The following ATP9B variants were observed in gnomAD, a reference collection of about 807,000 sequenced individuals.
The protein encoded by ATP9B is probable phospholipid-transporting ATPase IIB.
Under a neutral mutation model 146.1 loss-of-function variants are expected in ATP9B, and 110 were observed. The observed-to-expected ratio is 0.75, with a 90% confidence interval of 0.65 to 0.88. The LOEUF is 0.88. ATP9B is among the 40% of genes least tolerant of loss of function. The pLI is 0.00. For synonymous variants in ATP9B, 604 were observed against 569.7 expected (o/e 1.06, Z -0.86); for missense variants, 1,499 against 1,496.4 (o/e 1.00, Z -0.03).
intron 13 of ATP9B, among the ~76,000 whole-genome samples, chr18:79,279,749 G>A (rs534132661): frequency 2.6e-4 from 40 of 152,278 alleles, no homozygotes; most frequent in African/African-American, 8.4e-4. Context: ...ATACATAGGC[G>A]TACTGTCTTC....
intron 11 of ATP9B, among the ~76,000 whole-genome samples, chr18:79,214,242 C>G (rs2095608196): frequency 6.6e-6 from 1 of 152,124 alleles, no homozygotes; most frequent in South Asian, 2.1e-4. Flanking sequence ...AGTATCATTG[C>G]TTGGCTAATC....
intron 2 of ATP9B, among the ~76,000 whole-genome samples, chr18:79,099,979 G>T (rs2075133637): frequency 6.6e-6 from 1 of 152,060 alleles, no homozygotes; most frequent in African/African-American, 2.4e-5. Flanking sequence ...ACAAAAATTA[G>T]CTGGGCATGG....
intron 1 of ATP9B, chr18:79,087,420 A>G (rs1002903978): frequency 2.6e-5 from 4 of 152,282 alleles, no homozygotes; most frequent in African/African-American, 9.6e-5. Context: ...CTTGCTGCTT[A>G]GTAATGACTT....
chr18:79,084,708 A>G (rs1171158320), intron 1 of ATP9B, among the ~76,000 whole-genome samples: 1 of 152,206 alleles, frequency 6.6e-6, no homozygotes, highest in Non-Finnish European at 1.5e-5. Flanking sequence ...TTCCTTGACC[A>G]TTTGAAAATG....
chr18:79,344,015 A>G lies in ATP9B; in HGVS notation c.2383-250A>G, dbSNP rs183966362. On this transcript the variant is annotated intron_variant, in intron 20 of 29. Transcript: ENST00000426216. ...GAGTGGTGATTCCACTGCATTCCTC[A>G]CTATACGTTTCCTGCTTGCAGTTGC... 14 of 553,362 alleles carry G rather than the reference A, an allele frequency of 2.5e-5. 1 individual carries two copies. Among genetic ancestry groups the G allele is most frequent in the African/African-American group, 2.1e-4 (11 of 52,916 alleles). The allele number at this position is 553,362 out of a possible 1,614,324, so 34.3% of individuals were successfully genotyped here. A position where few individuals can be genotyped will look rare whatever the true frequency, so the allele number is the denominator to read the frequency against.
chr18:79,137,391 T>C (rs34051579), intron 5 of ATP9B, among the ~76,000 whole-genome samples: 9,253 of 152,226 alleles, frequency 0.061, 365 homozygotes, highest in Non-Finnish European at 0.092. Context: ...TATTTTTATA[T>C]TCCTGCAAAT....
intron 4 of ATP9B, among the ~76,000 whole-genome samples, chr18:79,123,915 C>T (rs772093119): frequency 6.6e-6 from 1 of 152,188 alleles, no homozygotes; most frequent in Non-Finnish European, 1.5e-5. Flanking sequence ...TGAAAAGTTG[C>T]TCAACGTCAT....
chr18:79,109,538 C>A (rs898506909), intron 2 of ATP9B, among the ~76,000 whole-genome samples: 1 of 150,294 alleles, frequency 6.7e-6, no homozygotes. Context: ...ACATTTGTAT[C>A]CTCTTTAAAT....
intron 12 of ATP9B, among the ~76,000 whole-genome samples, chr18:79,255,998 C>T (rs550990493): frequency 4.6e-5 from 7 of 152,106 alleles, no homozygotes; most frequent in African/African-American, 1.2e-4. Context: ...ATGTTGTTTT[C>T]GTTACCACTT....
At chr18:79,323,434 C>T (rs2096726976) in intron 15 of ATP9B, among the ~76,000 whole-genome samples, 1 of 152,188 alleles carries the variant, frequency 6.6e-6, no homozygotes, top group East Asian at 1.9e-4. Context: ...TTTATCACCC[C>T]TATCCCCAAT....
chr18:79,189,887 C>T (rs112281217), intron 8 of ATP9B, among the ~76,000 whole-genome samples: 9 of 152,326 alleles, frequency 5.9e-5, no homozygotes, highest in East Asian at 1.9e-4. Flanking sequence ...TCAAGGTTCA[C>T]GCCATGGTAT....
chr18:79,137,393 C>A (rs1483442628), intron 5 of ATP9B, among the ~76,000 whole-genome samples: 4 of 151,994 alleles, frequency 2.6e-5, no homozygotes, highest in Non-Finnish European at 5.9e-5. Context: ...TTTTTATATT[C>A]CTGCAAATAT....
chr18:79,354,912 G>A (rs77075974), intron 25 of ATP9B, among the ~76,000 whole-genome samples: 30,497 of 152,140 alleles, frequency 0.2, 3,275 homozygotes, highest in African/African-American at 0.28. Flanking sequence ...TCAGATGATC[G>A]TCACTCTACT....
At chr18:79,079,098 T>C (rs57701627) in intron 1 of ATP9B, among the ~76,000 whole-genome samples, 5,169 of 152,278 alleles carry the variant, frequency 0.034, 301 homozygotes, top group African/African-American at 0.12. Flanking sequence ...TCTTTGCTAT[T>C]GTGAGTAGTG....
At chr18:79,319,433 A>G (rs533193610) in intron 15 of ATP9B, among the ~76,000 whole-genome samples, 1 of 151,486 alleles carries the variant, frequency 6.6e-6, no homozygotes, top group East Asian at 1.9e-4. Flanking sequence ...ACGTGAGTGA[A>G]TAGGGAGGGA....
At chr18:79,185,107 TG>T (rs1461249163) in intron 8 of ATP9B, among the ~76,000 whole-genome samples, 1 of 152,088 alleles carries the variant, frequency 6.6e-6, no homozygotes, top group Non-Finnish European at 1.5e-5. Context: ...GCGGGTTGCA[TG>T]GGGGCACGGG....
At chr18:79,316,813 A>C (rs2096683012) in intron 15 of ATP9B, among the ~76,000 whole-genome samples, 1 of 152,248 alleles carries the variant, frequency 6.6e-6, no homozygotes, top group Non-Finnish European at 1.5e-5. Context: ...GTAATGATTG[A>C]GTAAGCAGTA....
chr18:79,339,029 C>G (rs1361073586), intron 19 of ATP9B, among the ~76,000 whole-genome samples: 1 of 152,176 alleles, frequency 6.6e-6, no homozygotes, highest in Non-Finnish European at 1.5e-5. Context: ...GGTGAAGAGA[C>G]TTGTAAGATT....
intron 1 of ATP9B, 89 bp from the exon 2 acceptor site, chr18:79,096,387 C>A: frequency 8.0e-7 from 1 of 1,244,112 alleles, no homozygotes; most frequent in South Asian, 1.4e-5. Context: ...TGAAGACAGC[C>A]TAATTTGAGG....
Sources: allele counts gnomAD v4.1 joint callset (sites outside exome capture counted in the v4.1 genomes callset), GRCh38; gene constraint gnomAD v4.1.1; transcripts MANE v1.5; gene names NCBI Gene and HGNC (gene_info 2026-07-23, HGNC 2026-07-21).